Variants in FAM135B observed in about 807,000 individuals in gnomAD.
FAM135B encodes the protein family with sequence similarity 135 member B.
A neutral mutation model predicts 127.7 loss-of-function variants in FAM135B; 43 were observed. The ratio of observed to expected loss-of-function variants is 0.34; its 90% CI spans 0.26 to 0.43. FAM135B has a LOEUF of 0.43. Ranked by LOEUF, FAM135B falls within the 20% of genes least tolerant of loss-of-function variation. The probability of loss-of-function intolerance (pLI) is 1.00; values close to 1 mark genes in which losing one functional copy is unlikely to be tolerated. For missense variants in FAM135B, 1,558 were observed against 1,725.6 expected, an observed-to-expected ratio of 0.90 and a Z score of 1.72; for synonymous variants, 670 against 665.1, an observed-to-expected ratio of 1.01 and a Z score of -0.11.
intron 1 of FAM135B, among the ~76,000 whole-genome samples, chr8:138,452,493 TAA>T (rs1257438816): frequency 2.6e-5 from 4 of 151,842 alleles, no homozygotes; most frequent in Non-Finnish European, 4.4e-5. Flanking sequence ...CCAGGAAAAA[TAA>T]AAGTGTCCAC....
intron 1 of FAM135B, among the ~76,000 whole-genome samples, chr8:138,421,172 G>A (rs1834484847): frequency 6.6e-6 from 1 of 152,064 alleles, no homozygotes; most frequent in Non-Finnish European, 1.5e-5. Context: ...AATTAGCCAG[G>A]CATGGTGGCA....
chr8:138,404,038 C>T (rs890133986), intron 1 of FAM135B, among the ~76,000 whole-genome samples: 4 of 152,036 alleles, frequency 2.6e-5, no homozygotes, highest in Admixed American at 6.6e-5. Context: ...TATAGGTAAT[C>T]TTACACCATT....
At chr8:138,289,669 AT>A (rs775142097) in intron 3 of FAM135B, among the ~76,000 whole-genome samples, 9 of 152,054 alleles carry the variant, frequency 5.9e-5, no homozygotes, top group Non-Finnish European at 1.3e-4. Context: ...CTGTGGTTGC[AT>A]TTCTCTTTTG....
At chr8:138,247,631 C>A (rs1359513887) in intron 6 of FAM135B, among the ~76,000 whole-genome samples, 2 of 152,160 alleles carry the variant, frequency 1.3e-5, no homozygotes, top group Non-Finnish European at 2.9e-5. Flanking sequence ...TGAGAACAGA[C>A]TAATACACTT....
At chr8:138,314,879 CAA>C (rs35189245) in intron 2 of FAM135B, among the ~76,000 whole-genome samples, 6,096 of 85,466 alleles carry the variant, frequency 0.071, 129 homozygotes, top group East Asian at 0.16. Context: ...GACCTTACCT[CAA>C]AAAAAAAAAA....
intron 2 of FAM135B, among the ~76,000 whole-genome samples, chr8:138,341,281 T>C (rs923122029): frequency 6.6e-6 from 1 of 152,216 alleles, no homozygotes; most frequent in Non-Finnish European, 1.5e-5. Context: ...CTTGAGGACA[T>C]TGTTGCCAAG....
At chr8:138,371,818 C>T (rs572205846) in intron 1 of FAM135B, among the ~76,000 whole-genome samples, 1 of 152,338 alleles carries the variant, frequency 6.6e-6, no homozygotes, top group Admixed American at 6.5e-5. Context: ...ACAACCAGTG[C>T]CACCCACCAT....
chr8:138,220,678 C>T (rs1425044060), intron 7 of FAM135B, among the ~76,000 whole-genome samples: 1 of 152,108 alleles, frequency 6.6e-6, no homozygotes, highest in African/African-American at 2.4e-5. Context: ...GTGGTGATAA[C>T]AAAATTGAAA....
chr8:138,446,527 C>A (rs1836170530), intron 1 of FAM135B, among the ~76,000 whole-genome samples: 1 of 152,184 alleles, frequency 6.6e-6, no homozygotes, highest in African/African-American at 2.4e-5. Flanking sequence ...TGATCTTTGA[C>A]AAACCTGAGA....
At chr8:138,301,765 A>G (rs932830213) in intron 3 of FAM135B, among the ~76,000 whole-genome samples, 1 of 152,234 alleles carries the variant, frequency 6.6e-6, no homozygotes, top group Non-Finnish European at 1.5e-5. Context: ...TCTCATGTTA[A>G]AAAGACCTGG....
At chr8:138,421,759 C>A (rs1834523840) in intron 1 of FAM135B, among the ~76,000 whole-genome samples, 1 of 152,094 alleles carries the variant, frequency 6.6e-6, no homozygotes, top group Admixed American at 6.6e-5. Context: ...CTACCAATAT[C>A]ATTTTCATAG....
intron 1 of FAM135B, among the ~76,000 whole-genome samples, chr8:138,456,239 G>C (rs1363283731): frequency 1.3e-5 from 2 of 152,062 alleles, no homozygotes; most frequent in East Asian, 1.9e-4. Flanking sequence ...AATATCACTG[G>C]GTATGTAGCT....
chr8:138,301,900 C>A (rs116535102), intron 3 of FAM135B, among the ~76,000 whole-genome samples: 7 of 152,118 alleles, frequency 4.6e-5, no homozygotes, highest in African/African-American at 1.7e-4. Context: ...AAGACAACAT[C>A]GCAGCTGGGC....
intron 1 of FAM135B, among the ~76,000 whole-genome samples, chr8:138,413,586 T>C (rs1442414819): frequency 6.6e-6 from 1 of 152,214 alleles, no homozygotes; most frequent in Non-Finnish European, 1.5e-5. Flanking sequence ...CCTTCAGTGC[T>C]TAATACTCTT....
At chr8:138,201,274 C>A (rs1387042121) in intron 7 of FAM135B, among the ~76,000 whole-genome samples, 1 of 152,182 alleles carries the variant, frequency 6.6e-6, no homozygotes, top group Non-Finnish European at 1.5e-5. Flanking sequence ...AGCAAGGAAT[C>A]TATGAAGTCT....
intron 9 of FAM135B, among the ~76,000 whole-genome samples, chr8:138,179,645 G>A (rs570797559): frequency 1.3e-5 from 2 of 152,288 alleles, no homozygotes; most frequent in South Asian, 2.1e-4. Context: ...ATGCACGATA[G>A]GTGCTCCATA....
chr8:138,173,289 A>G (rs1814092521), intron 11 of FAM135B, among the ~76,000 whole-genome samples: 1 of 152,186 alleles, frequency 6.6e-6, no homozygotes, highest in Non-Finnish European at 1.5e-5. Flanking sequence ...AAGCATAAGA[A>G]CACTTCTGTT....
rs1357254304 is a variant in FAM135B, at chr8:138,432,045, A to C, written c.-19-64043T>G. Among the ~76,000 whole-genome samples, 6 of 152,214 alleles carry C rather than the reference A, an allele frequency of 3.9e-5. No individual in the cohort carries two copies. In the South Asian group the frequency reaches 8.3e-4, roughly 21 times the overall value. On this transcript the variant is annotated intron_variant, in intron 1 of 19. Coordinates refer to ENST00000395297, the MANE Select transcript of FAM135B (RefSeq NM_015912.4). The stretch of plus-strand genomic sequence containing the variant: ...CTGGGCAGGGAAGGAGACCAGCACA[A>C]CTGGCTAATACCCATCAGAACGATC...
At chr8:138,473,621 C>A (rs1431543295) in intron 1 of FAM135B, among the ~76,000 whole-genome samples, 2 of 152,176 alleles carry the variant, frequency 1.3e-5, no homozygotes, top group Non-Finnish European at 2.9e-5. Flanking sequence ...ATATCCTCAT[C>A]CTGAAAAGCA....
Sources: allele counts gnomAD v4.1 joint callset (sites outside exome capture counted in the v4.1 genomes callset), GRCh38; gene constraint gnomAD v4.1.1; transcripts MANE v1.5; gene names NCBI Gene and HGNC (gene_info 2026-07-23, HGNC 2026-07-21).